Variants in TMEM164 observed in about 807,000 individuals in gnomAD.
The protein encoded by TMEM164 is transmembrane protein 164, also known as RP13-360B22.2.
In TMEM164, 4 loss-of-function variants were observed where a neutral mutation model predicts 18.8. The ratio of observed to expected loss-of-function variants is 0.21; its 90% CI spans 0.10 to 0.49. TMEM164 has a LOEUF of 0.49. Among genes scored for constraint, TMEM164 ranks in the 20% least tolerant of loss-of-function variants. TMEM164 has a pLI of 0.98. For missense variants in TMEM164, 108 were observed against 239.9 expected (o/e 0.45, Z 3.63); for synonymous variants, 86 against 101.7 (o/e 0.85, Z 0.93).
chrX:110,051,994 G>A (rs868123695), intron 2 of TMEM164, among the ~76,000 whole-genome samples: 27 of 112,290 alleles, frequency 2.4e-4, no homozygotes, highest in African/African-American at 8.4e-4. Flanking sequence ...TCCATTGTAA[G>A]CATGTTTTTC....
At chrX:110,118,465 A>G (rs954296640) in intron 4 of TMEM164, among the ~76,000 whole-genome samples, 3 of 111,470 alleles carry the variant, frequency 2.7e-5, no homozygotes, top group African/African-American at 6.5e-5. Flanking sequence ...TCCAGGGTCC[A>G]CTGTTAGATA....
intron 4 of TMEM164, among the ~76,000 whole-genome samples, chrX:110,143,804 G>GGTGTGTGT (rs759024255): frequency 2.9e-5 from 3 of 103,054 alleles, no homozygotes; most frequent in African/African-American, 1.1e-4. Flanking sequence ...CATACTTTGG[G>GGTGTGTGT]GTGTGTGTGT....
intron 3 of TMEM164, among the ~76,000 whole-genome samples, chrX:110,083,505 C>T (rs1326424104): frequency 9.0e-6 from 1 of 110,801 alleles, no homozygotes; most frequent in Non-Finnish European, 1.9e-5. Flanking sequence ...TAGCGCATTA[C>T]CCACACTTTT....
chrX:110,179,708 G>A (rs2067316065), downstream of TMEM164, among the ~76,000 whole-genome samples: 1 of 112,002 alleles, frequency 8.9e-6, no homozygotes, highest in Non-Finnish European at 1.9e-5. Context: ...TACTAACTCT[G>A]GCCATCATTT....
At chrX:110,162,580 T>C (rs1046505566) in intron 5 of TMEM164, among the ~76,000 whole-genome samples, 1 of 111,770 alleles carries the variant, frequency 8.9e-6, no homozygotes, top group Admixed American at 9.4e-5. Flanking sequence ...GTTTTTTTGG[T>C]CAAATGCCTG....
At position 110,003,948 on chromosome X, in the gene TMEM164, G is replaced by T. The variant is rs1293810652; in HGVS notation, c.174G>T (p.Arg58=). The T allele has an allele frequency of 8.3e-7, 1 of 1,211,696 alleles. No individual in the cohort carries two copies. Among genetic ancestry groups the T allele is most frequent in the South Asian group, 1.8e-5 (1 of 56,941 alleles). Residue 58 remains arginine, a synonymous_variant, in exon 2 of 7, where the codon CGG becomes CGT. Transcript: ENST00000372068. The part of the protein sequence containing the change: ...LALLEILVAL[R]HILRQTKEDG... ...TGTTGGAGATCCTGGTGGCCCTGCG[G>T]CACATCCTGAGGCAGACGAAGGAGG...
At chrX:110,179,049 C>T (rs558375195), downstream of TMEM164, among the ~76,000 whole-genome samples, 44 of 110,857 alleles carry the variant, frequency 4.0e-4, no homozygotes, top group South Asian at 0.015. Flanking sequence ...GGGAGGCCCA[C>T]GAGTGTAGAA....
intron 2 of TMEM164, among the ~76,000 whole-genome samples, chrX:110,023,819 A>G (rs969758327): frequency 1.8e-5 from 2 of 111,781 alleles, no homozygotes; most frequent in African/African-American, 6.5e-5. Context: ...TAAGTTACTA[A>G]TTATATTTTT....
intron 4 of TMEM164, among the ~76,000 whole-genome samples, chrX:110,112,297 C>T (rs1029467102): frequency 2.7e-5 from 3 of 111,825 alleles, no homozygotes; most frequent in Middle Eastern, 9.3e-3. Flanking sequence ...CACGCCACTG[C>T]ACTCCAGCAT....
intron 5 of TMEM164, among the ~76,000 whole-genome samples, chrX:110,171,115 A>T (rs2067224975): frequency 8.9e-6 from 1 of 112,636 alleles, no homozygotes; most frequent in African/African-American, 3.2e-5. Context: ...CCTGAGGCAG[A>T]GAAAATGACC....
At chrX:110,057,814 A>G (rs1388301463) in intron 2 of TMEM164, among the ~76,000 whole-genome samples, 2 of 110,855 alleles carry the variant, frequency 1.8e-5, no homozygotes, top group African/African-American at 6.6e-5. Context: ...GTCTATTCAG[A>G]TCCTTTGCCC....
chrX:110,037,878 A>G (rs753223187), intron 2 of TMEM164, among the ~76,000 whole-genome samples: 1 of 110,217 alleles, frequency 9.1e-6, no homozygotes, highest in South Asian at 3.8e-4. Flanking sequence ...TACTGCCCTC[A>G]CTCCGTCCTT....
intron 2 of TMEM164, among the ~76,000 whole-genome samples, chrX:110,064,911 T>C: frequency 9.5e-6 from 1 of 105,379 alleles, no homozygotes; most frequent in Non-Finnish European, 1.9e-5. Flanking sequence ...GTAGGAGAAT[T>C]GCTTCAGCCC....
intron 2 of TMEM164, among the ~76,000 whole-genome samples, chrX:110,013,765 AG>A (rs1933141242): frequency 8.9e-6 from 1 of 112,197 alleles, no homozygotes; most frequent in South Asian, 3.7e-4. Context: ...GAATAATAAT[AG>A]GGTTGTTGTG....
intron 5 of TMEM164, among the ~76,000 whole-genome samples, chrX:110,160,162 G>A (rs1227665064): frequency 2.7e-5 from 3 of 112,295 alleles, no homozygotes; most frequent in Non-Finnish European, 5.6e-5. Flanking sequence ...TTCGGCAGCA[G>A]TTCTTAACCT....
intron 2 of TMEM164, among the ~76,000 whole-genome samples, chrX:110,026,828 A>C (rs1175293246): frequency 8.9e-6 from 1 of 111,758 alleles, no homozygotes; most frequent in Non-Finnish European, 1.9e-5. Context: ...ACATGTTATA[A>C]TTTTGTAACT....
At chrX:110,092,153 G>T (rs1283731251) in intron 3 of TMEM164, among the ~76,000 whole-genome samples, 1 of 111,883 alleles carries the variant, frequency 8.9e-6, no homozygotes, top group East Asian at 2.8e-4. Context: ...GATGCCTCCA[G>T]CTTTGTTCTT....
chrX:110,029,176 A>T (rs757260858), intron 2 of TMEM164, among the ~76,000 whole-genome samples: 5 of 111,576 alleles, frequency 4.5e-5, no homozygotes, highest in Non-Finnish European at 9.4e-5. Context: ...TAAATTTGAC[A>T]TTGCCAAACA....
intron 4 of TMEM164, among the ~76,000 whole-genome samples, chrX:110,140,081 A>G (rs1180622212): frequency 9.0e-6 from 1 of 111,681 alleles, no homozygotes; most frequent in African/African-American, 3.3e-5. Context: ...AGAGATTTTG[A>G]CAAAGGAATG....
Sources: gnomAD v4.1 joint callset for allele counts (sites outside exome capture counted in the v4.1 genomes callset) on GRCh38, gnomAD v4.1.1 for gene constraint, MANE v1.5 for transcripts, NCBI Gene and HGNC (gene_info 2026-07-23, HGNC 2026-07-21) for gene names.